The following ELMO1 variants were observed in gnomAD, a reference collection of about 807,000 sequenced individuals.
ELMO1 encodes engulfment and cell motility protein 1.
In ELMO1, 26 loss-of-function variants were observed where a neutral mutation model predicts 98.9. That is an observed-to-expected ratio of 0.26 (90% confidence interval 0.19 to 0.36). The LOEUF (loss-of-function observed/expected upper bound fraction) is 0.36, where lower values mean the gene tolerates loss of function less well. ELMO1 is among the 10% of genes least tolerant of loss of function. The pLI is 1.00. For missense variants in ELMO1, 627 were observed against 935.2 expected, an observed-to-expected ratio of 0.67 and a Z score of 4.30; for synonymous variants, 346 against 346.0, an observed-to-expected ratio of 1.00 and a Z score of 0.00.
chr7:37,405,107 G>A lies in ELMO1; in HGVS notation c.-74+43568C>T, dbSNP rs149673319. On this transcript the variant is annotated intron_variant, in intron 1 of 21. Coordinates refer to ENST00000310758, the MANE Select transcript of ELMO1 (RefSeq NM_014800.11). ...CCGGCACTGGGGGACTGAAATGGTC[G>A]TGTGAGAAAGCATAACTTTGAGTGA... 2.8e-3 allele frequency among the ~76,000 whole-genome samples: 433 copies of A among 152,242 alleles called. 3 individuals are homozygous for A. Among genetic ancestry groups the A allele is most frequent in the African/African-American group, 9.8e-3 (406 of 41,538 alleles).
chr7:37,433,171 G>A (rs1369339710), intron 1 of ELMO1, among the ~76,000 whole-genome samples: 1 of 152,130 alleles, frequency 6.6e-6, no homozygotes, highest in East Asian at 1.9e-4. Flanking sequence ...ATATCCCCAG[G>A]GCCCTTACTC....
intron 14 of ELMO1, among the ~76,000 whole-genome samples, chr7:37,119,396 C>T (rs1038840993): frequency 3.9e-5 from 6 of 152,162 alleles, no homozygotes; most frequent in African/African-American, 1.4e-4. Flanking sequence ...GCTTTTCTCA[C>T]GCTAGGTAAT....
At chr7:37,132,659 A>G (rs1367741321) in intron 14 of ELMO1, among the ~76,000 whole-genome samples, 2 of 152,100 alleles carry the variant, frequency 1.3e-5, no homozygotes, top group African/African-American at 4.8e-5. Flanking sequence ...AAATTAATCT[A>G]CCTTCGTGAC....
At chr7:36,955,065 C>T (rs1447258732) in intron 16 of ELMO1, among the ~76,000 whole-genome samples, 1 of 152,208 alleles carries the variant, frequency 6.6e-6, no homozygotes, top group Non-Finnish European at 1.5e-5. Flanking sequence ...TTATGGCACA[C>T]AAAAGGGGCT....
intron 3 of ELMO1, among the ~76,000 whole-genome samples, chr7:37,315,494 A>G (rs780456247): frequency 3.3e-5 from 5 of 152,182 alleles, no homozygotes; most frequent in Non-Finnish European, 7.4e-5. Flanking sequence ...AGAAGTAGGA[A>G]AGTCATATCA....
intron 13 of ELMO1, among the ~76,000 whole-genome samples, chr7:37,146,328 C>T (rs914041846): frequency 1.1e-4 from 16 of 152,136 alleles, no homozygotes; most frequent in Admixed American, 2.6e-4. Flanking sequence ...TAGGTGCTGC[C>T]GATGGCTTCT....
intron 16 of ELMO1, among the ~76,000 whole-genome samples, chr7:37,002,899 A>ATAGG (rs1792782256): frequency 6.6e-6 from 1 of 152,164 alleles, no homozygotes. Flanking sequence ...GTTCTAGGGT[A>ATAGG]TAGGTATTCC....
chr7:37,448,361 C>G (rs114514945), intron 1 of ELMO1, among the ~76,000 whole-genome samples: 5,022 of 151,628 alleles, frequency 0.033, 262 homozygotes, highest in African/African-American at 0.12. Context: ...GCCCCGGGCC[C>G]TGCGCTTCAT....
At chr7:37,439,672 A>G (rs1421983404) in intron 1 of ELMO1, among the ~76,000 whole-genome samples, 1 of 152,254 alleles carries the variant, frequency 6.6e-6, no homozygotes, top group African/African-American at 2.4e-5. Flanking sequence ...TTTTTAAAAT[A>G]TACTACAATT....
intron 14 of ELMO1, among the ~76,000 whole-genome samples, chr7:37,104,191 G>A (rs1396526349): frequency 6.6e-6 from 1 of 151,908 alleles, no homozygotes; most frequent in Non-Finnish European, 1.5e-5. Context: ...ACAACCTGTT[G>A]AGAAACATCC....
chr7:37,137,702 A>C lies in ELMO1; in HGVS notation c.1087-4468T>G, dbSNP rs1787361313. 2.0e-5 allele frequency among the ~76,000 whole-genome samples: 3 copies of C among 152,054 alleles called. No individual in the cohort carries two copies. In the South Asian group the frequency reaches 6.2e-4, roughly 32 times the overall value. On this transcript the variant is annotated intron_variant, in intron 13 of 21. Transcript: ENST00000310758. Reference sequence around the variant, plus strand: ...CAGCCACGTGCCACCATGCCTGGCTACTTTTTGTATTTTTAGTAGAGACAG... The same window carrying C: ...CAGCCACGTGCCACCATGCCTGGCTCCTTTTTGTATTTTTAGTAGAGACAG...
intron 15 of ELMO1, among the ~76,000 whole-genome samples, chr7:37,035,631 T>A (rs974094777): frequency 3.9e-5 from 6 of 152,236 alleles, no homozygotes; most frequent in Non-Finnish European, 8.8e-5. Context: ...CTTTTTCTTA[T>A]AATATCATGA....
intron 13 of ELMO1, among the ~76,000 whole-genome samples, chr7:37,206,361 C>G (rs950792928): frequency 6.6e-6 from 1 of 152,166 alleles, no homozygotes. Context: ...AGTCAGAAAT[C>G]GATGTCAGCA....
chr7:37,182,598 TC>T (rs1306521677), intron 13 of ELMO1, among the ~76,000 whole-genome samples: 3 of 151,182 alleles, frequency 2.0e-5, no homozygotes, highest in African/African-American at 7.3e-5. Flanking sequence ...CTCTCTCTCT[TC>T]TCTCTCCCTT....
At chr7:36,923,704 A>G (rs1351912206) in intron 16 of ELMO1, among the ~76,000 whole-genome samples, 1 of 152,220 alleles carries the variant, frequency 6.6e-6, no homozygotes, top group Non-Finnish European at 1.5e-5. Context: ...ACTTTGTACC[A>G]TGTATTGGAA....
At chr7:36,877,865 T>C (rs981417251) in intron 19 of ELMO1, 145 bp downstream of exon 19, 1 of 614,916 alleles carries the variant, frequency 1.6e-6, no homozygotes, top group Non-Finnish European at 2.9e-6. Flanking sequence ...TTGTACTTGA[T>C]GAGATGGCTC....
At chr7:37,281,592 G>A (rs535171137) in intron 4 of ELMO1, among the ~76,000 whole-genome samples, 140 of 152,270 alleles carry the variant, frequency 9.2e-4, no homozygotes, top group African/African-American at 3.0e-3. Context: ...GTGTTAGAAT[G>A]CAGATTTCTG....
intron 13 of ELMO1, among the ~76,000 whole-genome samples, chr7:37,166,016 T>G (rs1380921763): frequency 1.3e-5 from 2 of 152,060 alleles, no homozygotes; most frequent in African/African-American, 2.4e-5. Flanking sequence ...CAATTTCAGC[T>G]CCTGTTATTG....
intron 16 of ELMO1, among the ~76,000 whole-genome samples, chr7:36,987,309 G>A (rs889074711): frequency 7.9e-5 from 12 of 152,050 alleles, no homozygotes; most frequent in African/African-American, 2.9e-4. Flanking sequence ...AGCAGGGGTC[G>A]CCACTGAGCA....
Sources: allele counts gnomAD v4.1 joint callset (sites outside exome capture counted in the v4.1 genomes callset), GRCh38; gene constraint gnomAD v4.1.1; transcripts MANE v1.5; gene names NCBI Gene and HGNC (gene_info 2026-07-23, HGNC 2026-07-21).